Variants in CEP57L1 observed in about 807,000 individuals in gnomAD.
CEP57L1 encodes the protein centrosomal protein 57 like 1.
CEP57L1 carries 37 observed loss-of-function variants against 61.0 expected under a neutral mutation model. That is an observed-to-expected ratio of 0.61 (90% CI 0.47 to 0.80). CEP57L1 has a LOEUF of 0.80. Among genes scored for constraint, CEP57L1 ranks in the 30% least tolerant of loss-of-function variants. The pLI is 0.00. For missense variants in CEP57L1, 422 were observed against 524.7 expected (o/e 0.80, Z 1.91); for synonymous variants, 137 against 162.3 (o/e 0.84, Z 1.19).
intron 7 of CEP57L1, chr6:109,156,530 C>G (rs1304532287): frequency 6.6e-6 from 1 of 151,986 alleles, no homozygotes; most frequent in Non-Finnish European, 1.5e-5. Flanking sequence ...AGTAACCCTT[C>G]TTAATTATAT....
At chr6:109,125,686 C>T (rs1226670070) in intron 1 of CEP57L1, among the ~76,000 whole-genome samples, 2 of 150,746 alleles carry the variant, frequency 1.3e-5, no homozygotes, top group African/African-American at 4.9e-5. Context: ...CTAGGCAACA[C>T]GGTGAGAACC....
At chr6:109,112,593 A>G (rs7760310) in intron 1 of CEP57L1, among the ~76,000 whole-genome samples, 137 of 151,646 alleles carry the variant, frequency 9.0e-4, no homozygotes, top group African/African-American at 3.3e-3. Flanking sequence ...AGTTCTTTTC[A>G]TTGTGATGTT....
rs376132590 is a variant in CEP57L1, at chr6:109,159,251, A to T, written c.823-18A>T. The T allele has an allele frequency of 6.2e-6, 10 of 1,614,006 alleles. No homozygotes were observed. The African/African-American group carries it at 1.1e-4, about 17-fold the overall frequency. ...TGCAAGCTGTTCTGTGAATGCAAGT[A>T]TGCAAAACTTTTTGCAGATGAGGCA... is the stretch of plus-strand genomic sequence containing the variant. On this transcript the variant is annotated intron_variant, in intron 8 of 10. Coordinates refer to ENST00000517392, the MANE Select transcript of CEP57L1 (RefSeq NM_001271852.3).
In CEP57L1 at chr6:109,167,700, AAAG is replaced by A. The variant is rs1175081698; in HGVS notation, c.*4733_*4735del. Among the ~76,000 whole-genome samples the A allele has an allele frequency of 6.6e-6, 1 of 152,046 alleles. No homozygotes were observed. ...TCAAAGCAAAAAAAAAAAGAAAAGAAAAGAAAAAAGGAATAGCCCAGTATTGTT... is the reference window on the plus strand; with the variant it reads ...TCAAAGCAAAAAAAAAAAGAAAAGAAAAAAAAGGAATAGCCCAGTATTGTT... On this transcript the variant is annotated 3_prime_UTR_variant, in exon 11 of 11. Transcript: ENST00000517392.
At chr6:109,095,375 G>A, upstream of CEP57L1, 6 of 985,860 alleles carry the variant, frequency 6.1e-6, no homozygotes, top group Non-Finnish European at 7.2e-6. Context: ...AAGTAGTGAC[G>A]GCCTCTTCAT....
In CEP57L1 at chr6:109,159,113, A is replaced by G; in HGVS notation, c.822+11A>G. 2 of 1,614,042 alleles carry G rather than the reference A, an allele frequency of 1.2e-6. No individual in the cohort carries two copies. Among genetic ancestry groups the G allele is most frequent in the Admixed American group, 1.7e-5 (1 of 60,004 alleles). On this transcript the variant is annotated intron_variant, in intron 8 of 10. Coordinates refer to ENST00000517392, the MANE Select transcript of CEP57L1 (RefSeq NM_001271852.3). ...TTTGTGGCTGAAAAGGTGAGAGGGGATAAAATGAAGATAGTCGTTCAAAAA... is the reference window on the plus strand; with the variant it reads ...TTTGTGGCTGAAAAGGTGAGAGGGGGTAAAATGAAGATAGTCGTTCAAAAA...
rs990611629 is a variant in CEP57L1, at chr6:109,120,927, C to G, written c.-3-24292C>G. On this transcript the variant is annotated intron_variant, in intron 1 of 10. Coordinates refer to ENST00000517392, the MANE Select transcript of CEP57L1 (RefSeq NM_001271852.3). ...TTAGACACACGCACACACACACACA[C>G]ACACACACACACACACACACACACA... Among the ~76,000 whole-genome samples, 58 of 98,864 alleles carry G rather than the reference C, an allele frequency of 5.9e-4. 1 individual carries two copies. The highest frequency in any genetic ancestry group is 5.4e-3 in the Admixed American group (55 of 10,114). The allele number at this position is 98,864 out of a possible 152,430, so 64.9% of individuals were successfully genotyped here. A position where few individuals can be genotyped will look rare whatever the true frequency, so the allele number is the denominator to read the frequency against.
intron 1 of CEP57L1, among the ~76,000 whole-genome samples, chr6:109,112,901 G>C (rs1771831408): frequency 6.6e-6 from 1 of 152,088 alleles, no homozygotes; most frequent in African/African-American, 2.4e-5. Flanking sequence ...GTGTTCTTTT[G>C]CATTTGCTGA....
At chr6:109,155,123 G>T (rs1372074800) in intron 5 of CEP57L1, 107 bp from the exon 6 acceptor site, 2 of 514,412 alleles carry the variant, frequency 3.9e-6, no homozygotes, top group Non-Finnish European at 3.4e-6. Context: ...GCCTTAATTT[G>T]CCAAACTCTT....
intron 1 of CEP57L1, among the ~76,000 whole-genome samples, chr6:109,126,938 C>T (rs1280099833): frequency 6.6e-6 from 1 of 152,220 alleles, no homozygotes; most frequent in East Asian, 1.9e-4. Flanking sequence ...GAGGCCGAGG[C>T]GGACGGATCA....
At position 109,166,358 on chromosome 6, in the gene CEP57L1, A is replaced by G. The variant is rs1774101488; in HGVS notation, c.*3388A>G. ...AGAGCTTTTCTTACTTTAAAAGTGT[A>G]ATTTTAACTATAAATGTATATTCTT... On this transcript the variant is annotated 3_prime_UTR_variant, in exon 11 of 11. Coordinates refer to ENST00000517392, the MANE Select transcript of CEP57L1 (RefSeq NM_001271852.3). 6.6e-6 allele frequency among the ~76,000 whole-genome samples: 1 copy of G among 151,298 alleles called. No homozygotes were observed. Among genetic ancestry groups the G allele is most frequent in the Non-Finnish European group, 1.5e-5 (1 of 67,836 alleles).
Position 109,168,905 on chromosome 6 carries a change from T to A in CEP57L1, c.*5935T>A, listed in dbSNP as rs145585647. On this transcript the variant is annotated 3_prime_UTR_variant, in exon 11 of 11. Coordinates refer to ENST00000517392, the MANE Select transcript of CEP57L1 (RefSeq NM_001271852.3). ...GCCACCATGCCTGGCCAGCATTTTT[T>A]AAATGATATAAAATAGTATTGAAAA... is the stretch of plus-strand genomic sequence containing the variant. 7.0e-3 allele frequency among the ~76,000 whole-genome samples: 1,058 copies of A among 150,732 alleles called. 14 individuals carry two copies. Among genetic ancestry groups the A allele is most frequent in the African/African-American group, 0.025 (1,016 of 41,108 alleles).
intron 1 of CEP57L1, among the ~76,000 whole-genome samples, chr6:109,132,652 T>A (rs993990341): frequency 1.1e-4 from 16 of 152,254 alleles, no homozygotes; most frequent in African/African-American, 3.9e-4. Context: ...TATATGTGTA[T>A]GTAAAGAAAT....
intron 10 of CEP57L1, among the ~76,000 whole-genome samples, chr6:109,161,532 G>T (rs1773718990): frequency 6.6e-6 from 1 of 152,084 alleles, no homozygotes; most frequent in African/African-American, 2.4e-5. Flanking sequence ...AGTAATAGAA[G>T]ATGCAGAATA....
chr6:109,149,299 A>C (rs1042832158), intron 3 of CEP57L1, among the ~76,000 whole-genome samples: 12 of 152,174 alleles, frequency 7.9e-5, no homozygotes, highest in Non-Finnish European at 1.6e-4. Context: ...TTTTTGTATA[A>C]GGTGTAAGGA....
At chr6:109,111,667 A>G (rs900255839) in intron 1 of CEP57L1, among the ~76,000 whole-genome samples, 6 of 152,244 alleles carry the variant, frequency 3.9e-5, no homozygotes, top group African/African-American at 1.4e-4. Flanking sequence ...GTTTGTCATA[A>G]ATAGCTCTTA....
At position 109,166,834 on chromosome 6, in the gene CEP57L1, T is replaced by C. The variant is rs1583699911; in HGVS notation, c.*3864T>C. 1.3e-5 allele frequency among the ~76,000 whole-genome samples: 2 copies of C among 152,306 alleles called. No individual in the cohort carries two copies. The highest frequency in any genetic ancestry group is 6.5e-5 in the Admixed American group (1 of 15,294). Reference sequence around the variant, plus strand: ...GACAGAAATGCAACAGCTGCCATTATTGGTGTAGAGTAAATAATGAAACTC... The same window carrying C: ...GACAGAAATGCAACAGCTGCCATTACTGGTGTAGAGTAAATAATGAAACTC... On this transcript the variant is annotated 3_prime_UTR_variant, in exon 11 of 11. Coordinates refer to ENST00000517392, the MANE Select transcript of CEP57L1 (RefSeq NM_001271852.3).
chr6:109,157,425 A>G (rs1773318374), intron 7 of CEP57L1: 2 of 152,246 alleles, frequency 1.3e-5, no homozygotes, highest in Non-Finnish European at 2.9e-5. Flanking sequence ...ACAGATAAAT[A>G]TATAAGTATA....
At position 109,170,502 on chromosome 6, in the gene CEP57L1, T is replaced by C. The variant is rs1419769471; in HGVS notation, c.*7532T>C. ...TACTGAACCTAGTACAGAATGTGAA[T>C]CATTTCATGCCTGAAATACAAGATT... On this transcript the variant is annotated 3_prime_UTR_variant, in exon 11 of 11. Transcript: ENST00000517392. Among the ~76,000 whole-genome samples the C allele has an allele frequency of 2.0e-5, 3 of 152,130 alleles. No individual in the cohort carries two copies. The highest frequency in any genetic ancestry group is 4.4e-5 in the Non-Finnish European group (3 of 68,012).
Sources: allele counts gnomAD v4.1 joint callset (sites outside exome capture counted in the v4.1 genomes callset), GRCh38; gene constraint gnomAD v4.1.1; transcripts MANE v1.5; gene names NCBI Gene and HGNC (gene_info 2026-07-23, HGNC 2026-07-21).